Variants in NPAS3 observed in about 807,000 individuals in gnomAD.
NPAS3 encodes the protein neuronal PAS domain-containing protein 3.
A neutral mutation model predicts 73.1 loss-of-function variants in NPAS3; 14 were observed. That is an observed-to-expected ratio of 0.19 (90% CI 0.13 to 0.30). NPAS3 has a LOEUF of 0.30. Ranked by LOEUF, NPAS3 falls within the 10% of genes least tolerant of loss-of-function variation. NPAS3 has a pLI of 1.00. For missense variants in NPAS3, 1,096 were observed against 1,250.0 expected (o/e 0.88, Z 1.86); for synonymous variants, 620 against 541.5 (o/e 1.14, Z -2.01).
At chr14:33,406,529 AGGAGAAATG>A (rs2047676123) in intron 4 of NPAS3, among the ~76,000 whole-genome samples, 2 of 152,146 alleles carry the variant, frequency 1.3e-5, no homozygotes, top group Admixed American at 6.6e-5. Flanking sequence ...AAGACGGCAC[AGGAGAAATG>A]GGTAATCCTG....
At chr14:33,338,390 C>T (rs745538797) in intron 3 of NPAS3, among the ~76,000 whole-genome samples, 2 of 152,156 alleles carry the variant, frequency 1.3e-5, no homozygotes, top group South Asian at 2.1e-4. Context: ...CCATAGAGAT[C>T]GTTGTTGCTT....
intron 7 of NPAS3, among the ~76,000 whole-genome samples, chr14:33,753,358 T>TAAAAAAAAAAAAA (rs34619014): frequency 2.0e-4 from 26 of 129,420 alleles, no homozygotes; most frequent in African/African-American, 6.4e-4. Flanking sequence ...GTTAAATTGA[T>TAAAAAAAAAAAAA]AAAAAAAAAA....
At chr14:33,435,993 C>CT (rs1448649487) in intron 4 of NPAS3, among the ~76,000 whole-genome samples, 1 of 152,152 alleles carries the variant, frequency 6.6e-6, no homozygotes, top group African/African-American at 2.4e-5. Context: ...TGCTGGTGCC[C>CT]TAGAACAGTA....
intron 1 of NPAS3, among the ~76,000 whole-genome samples, chr14:32,946,686 T>TC (rs1566789020): frequency 6.6e-6 from 1 of 152,184 alleles, no homozygotes; most frequent in East Asian, 1.9e-4. Context: ...TGCTTGAGTA[T>TC]TTGTGATTGC....
At position 33,234,248 on chromosome 14, in the gene NPAS3, CAA is replaced by C. The variant is rs577399781; in HGVS notation, c.385+18825_385+18826del. The stretch of plus-strand genomic sequence containing the variant: ...CTTCAGGTAAGTGTGTATAATAAAT[CAA>C]AAGTTATAAACATTTTCTCTGGAAT... On this transcript the variant is annotated intron_variant, in intron 3 of 11. Coordinates refer to ENST00000356141, the Ensembl canonical transcript of NPAS3. Among the ~76,000 whole-genome samples the C allele has an allele frequency of 4.9e-3, 752 of 152,136 alleles. 10 individuals carry two copies. Among genetic ancestry groups the C allele is most frequent in the African/African-American group, 0.017 (722 of 41,506 alleles).
At chr14:33,332,744 G>C (rs1438114612) in intron 3 of NPAS3, among the ~76,000 whole-genome samples, 1 of 152,194 alleles carries the variant, frequency 6.6e-6, no homozygotes, top group African/African-American at 2.4e-5. Context: ...CATCATGCCT[G>C]TTTACAAGTC....
At chr14:33,370,319 A>G (rs1036900819) in intron 4 of NPAS3, among the ~76,000 whole-genome samples, 1 of 152,218 alleles carries the variant, frequency 6.6e-6, no homozygotes, top group Non-Finnish European at 1.5e-5. Flanking sequence ...TTGTTGATGG[A>G]TGAATAGAAG....
chr14:33,015,704 AGT>A (rs1199524677), intron 1 of NPAS3, among the ~76,000 whole-genome samples: 2 of 152,334 alleles, frequency 1.3e-5, no homozygotes, highest in Non-Finnish European at 2.9e-5. Flanking sequence ...TACACAGGCA[AGT>A]GTGTGTATTC....
chr14:33,592,854 G>A (rs970370401), intron 5 of NPAS3, among the ~76,000 whole-genome samples: 5 of 152,160 alleles, frequency 3.3e-5, no homozygotes, highest in East Asian at 1.9e-4. Context: ...ATATTAGAAT[G>A]TATGCCTCAA....
intron 7 of NPAS3, among the ~76,000 whole-genome samples, chr14:33,752,686 G>A: frequency 6.6e-6 from 1 of 152,196 alleles, no homozygotes; most frequent in South Asian, 2.1e-4. Flanking sequence ...GATCACTGGA[G>A]CAACCGCAGT....
At chr14:33,160,408 C>T (rs891257492) in intron 2 of NPAS3, among the ~76,000 whole-genome samples, 3 of 144,608 alleles carry the variant, frequency 2.1e-5, no homozygotes, top group African/African-American at 7.7e-5. Context: ...AGTGAAAAAA[C>T]TCTGAATTAA....
At chr14:33,092,524 G>A (rs1399090069) in intron 2 of NPAS3, among the ~76,000 whole-genome samples, 1 of 152,172 alleles carries the variant, frequency 6.6e-6, no homozygotes, top group Non-Finnish European at 1.5e-5. Flanking sequence ...AATCAATATT[G>A]TGAAAATGGC....
At chr14:33,265,684 T>C (rs1459697216) in intron 3 of NPAS3, among the ~76,000 whole-genome samples, 3 of 152,162 alleles carry the variant, frequency 2.0e-5, no homozygotes, top group Non-Finnish European at 2.9e-5. Flanking sequence ...CCAAGGTAAA[T>C]TGTAGAGCCA....
intron 2 of NPAS3, among the ~76,000 whole-genome samples, chr14:33,065,836 G>A (rs1390196309): frequency 1.3e-5 from 2 of 152,008 alleles, no homozygotes; most frequent in Admixed American, 1.3e-4. Flanking sequence ...TGCCTGTCAG[G>A]GGTGCTTACA....
intron 6 of NPAS3, among the ~76,000 whole-genome samples, chr14:33,710,021 CA>C (rs2140489678): frequency 6.6e-6 from 1 of 152,340 alleles, no homozygotes. Flanking sequence ...TGTGTTTACA[CA>C]TTCAACATTA....
At chr14:33,252,427 T>C (rs1378358144) in intron 3 of NPAS3, among the ~76,000 whole-genome samples, 1 of 151,972 alleles carries the variant, frequency 6.6e-6, no homozygotes, top group African/African-American at 2.4e-5. Flanking sequence ...AACTAAGGTA[T>C]TGAGTGACTA....
At chr14:33,216,327 C>G (rs2047222612) in intron 3 of NPAS3, among the ~76,000 whole-genome samples, 1 of 152,144 alleles carries the variant, frequency 6.6e-6, no homozygotes, top group South Asian at 2.1e-4. Context: ...TGCCAACTAC[C>G]TTTGGAAAAG....
In NPAS3 at chr14:33,160,156, T is replaced by C. The variant is rs80097843; in HGVS notation, c.141-55026T>C. On this transcript the variant is annotated intron_variant, in intron 2 of 11. Transcript: ENST00000356141. ...GGATAAAAATGTCATGTATGAGACA[T>C]AAGAGTACATCTTTTTAAATATAAG... Among the ~76,000 whole-genome samples the C allele has an allele frequency of 5.3e-5, 8 of 152,290 alleles. No individual in the cohort carries two copies. The East Asian group carries it at 1.5e-3, about 29-fold the overall frequency.
chr14:33,023,829 T>C (rs1002354423), intron 1 of NPAS3, among the ~76,000 whole-genome samples: 1 of 152,170 alleles, frequency 6.6e-6, no homozygotes, highest in African/African-American at 2.4e-5. Context: ...CAAAAATCCA[T>C]CATCCGTAGC....
Sources: gnomAD v4.1 joint callset for allele counts (sites outside exome capture counted in the v4.1 genomes callset) on GRCh38, gnomAD v4.1.1 for gene constraint, MANE v1.5 for transcripts, NCBI Gene and HGNC (gene_info 2026-07-23, HGNC 2026-07-21) for gene names.